Variants in SKOR1 observed in about 807,000 individuals in gnomAD.
The protein encoded by SKOR1 is SKI family transcriptional corepressor 1.
SKOR1 carries 38 observed loss-of-function variants against 72.4 expected under a neutral mutation model. The ratio of observed to expected loss-of-function variants is 0.52; its 90% CI spans 0.40 to 0.69. The LOEUF is 0.69. Among genes scored for constraint, SKOR1 ranks in the 30% least tolerant of loss-of-function variants. The probability of loss-of-function intolerance (pLI) is 0.00; values close to 1 mark genes in which losing one functional copy is unlikely to be tolerated. For missense variants in SKOR1, 1,320 were observed against 1,343.2 expected (o/e 0.98, Z 0.27); for synonymous variants, 642 against 599.4 (o/e 1.07, Z -1.04).
Position 67,826,291 on chromosome 15 carries a change from A to G in SKOR1, c.463A>G (p.Thr155Ala). The G allele has an allele frequency of 6.2e-7, 1 of 1,613,436 alleles. No individual in the cohort carries two copies. Among genetic ancestry groups the G allele is most frequent in the African/African-American group, 1.3e-5 (1 of 75,064 alleles). ...PISSRRCGMI[T>A]KREAERLCKS... Reference sequence around the variant, plus strand: ...CTCGTCGCGCCGCTGCGGCATGATCACTAAGCGAGAGGCCGAACGCCTGTG... The same window carrying G: ...CTCGTCGCGCCGCTGCGGCATGATCGCTAAGCGAGAGGCCGAACGCCTGTG... Residue 155 changes from threonine to alanine, a missense_variant, in exon 2 of 9, where the codon ACT becomes GCT. Around this residue, in one of 3 missense-constraint regions of SKOR1, gnomAD observed 101 missense variants for 212.8 expected, o/e 0.47. Coordinates refer to ENST00000380035, the MANE Select transcript of SKOR1 (RefSeq NM_001365915.1).
In SKOR1 at chr15:67,826,107, C is replaced by T; in HGVS notation, c.279C>T (p.Asp93=). 6.3e-7 allele frequency: 1 copy of T among 1,599,434 alleles called. No individual in the cohort carries two copies. The highest frequency in any genetic ancestry group is 8.5e-7 in the Non-Finnish European group (1 of 1,170,092). ...YGVPIVSLVI[D]GQERLCLAQI... ...TGCCCATTGTGTCGCTGGTCATCGA[C>T]GGCCAGGAGCGCCTATGCCTGGCGC... The change falls in exon 2 of 9, where the codon GAC becomes GAT. Residue 93 remains aspartate, a synonymous_variant. Coordinates refer to ENST00000380035, the MANE Select transcript of SKOR1 (RefSeq NM_001365915.1).
Position 67,833,120 on chromosome 15 carries a change from G to A in SKOR1, c.2738-72G>A. ...AGCTTAGCCCTGGGGAGAGGAGGAA[G>A]CCCGGGCTGTGACCCCGGCCTTTCG... is the stretch of plus-strand genomic sequence containing the variant. On this transcript the variant is annotated intron_variant, in intron 7 of 8. Transcript: ENST00000380035. The surrounding 1 kb of genome is among the most constrained non-coding windows in gnomAD (Gnocchi z 6.0). 1 of 1,538,974 alleles carries A rather than the reference G, an allele frequency of 6.5e-7. No homozygotes were observed.
rs943875593 is a variant in SKOR1, at chr15:67,828,009, A to G, written c.2181A>G (p.Pro727=). The part of the protein sequence containing the change: ...PRPRRRLGPP[P]AGRPAFGDLA... ...CCCGGCGCCGCCTCGGGCCACCCCCAGCTGGCCGGCCCGCATTTGGGGACT... is the reference window on the plus strand; with the variant it reads ...CCCGGCGCCGCCTCGGGCCACCCCCGGCTGGCCGGCCCGCATTTGGGGACT... Residue 727 remains proline, a synonymous_variant, in exon 2 of 9, where the codon CCA becomes CCG. Transcript: ENST00000380035. 6.5e-7 allele frequency: 1 copy of G among 1,539,596 alleles called. No individual in the cohort carries two copies. The highest frequency in any genetic ancestry group is 2.5e-5 in the East Asian group (1 of 40,584).
rs766544415 is a variant in SKOR1, at chr15:67,833,878, T to C, written c.*42T>C. On this transcript the variant is annotated 3_prime_UTR_variant, in exon 9 of 9. Transcript: ENST00000380035. This position sits in a 1 kb window ranked among gnomAD's most constrained non-coding sequence, Gnocchi z 6.0. ...CCCCTGCGCCCTCAAGCCATGCTGC[T>C]CCTTGTAAATACCCGCTGCTGCGGT... The C allele has an allele frequency of 6.3e-7, 1 of 1,576,594 alleles. No individual in the cohort carries two copies. Among genetic ancestry groups the C allele is most frequent in the South Asian group, 1.1e-5 (1 of 90,524 alleles).
At position 67,832,224 on chromosome 15, in the gene SKOR1, A is replaced by C; in HGVS notation, c.2588-50A>C. On this transcript the variant is annotated intron_variant, in intron 5 of 8. Coordinates refer to ENST00000380035, the MANE Select transcript of SKOR1 (RefSeq NM_001365915.1). The surrounding 1 kb of genome is among the most constrained non-coding windows in gnomAD (Gnocchi z 4.5). Reference sequence around the variant, plus strand: ...GGCCAAGGCAGAACCTGAGCTCCAAATAACCCTGCTTTACCTCCCACTTTA... The same window carrying C: ...GGCCAAGGCAGAACCTGAGCTCCAACTAACCCTGCTTTACCTCCCACTTTA... 1 of 1,582,566 alleles carries C rather than the reference A, an allele frequency of 6.3e-7. No homozygotes were observed. The highest frequency in any genetic ancestry group is 8.7e-7 in the Non-Finnish European group (1 of 1,152,280).
chr15:67,827,939 G>C lies in SKOR1; in HGVS notation c.2111G>C (p.Gly704Ala), dbSNP rs2090977618. Residue 704 changes from glycine to alanine, a missense_variant, in exon 2 of 9, where the codon GGC becomes GCC. Physicochemically the swap from Gly to Ala is moderately conservative, Grantham distance 60 (BLOSUM62 0). Transcript: ENST00000380035. Reference sequence around the variant, plus strand: ...GGACCCCCTTCCGCCACCTCCTCTGGCGCGGACGGTCCCGCAAACTCTCCC... The same window carrying C: ...GGACCCCCTTCCGCCACCTCCTCTGCCGCGGACGGTCCCGCAAACTCTCCC... ...PTGPPSATSS[G>A]ADGPANSPDG... is the part of the protein sequence containing the mutation. 6.3e-7 allele frequency: 1 copy of C among 1,576,950 alleles called. No individual in the cohort carries two copies. Among genetic ancestry groups the C allele is most frequent in the African/African-American group, 1.3e-5 (1 of 74,202 alleles).
rs1244869954 is a variant in SKOR1, at chr15:67,826,823, A to T, written c.995A>T (p.Glu332Val). ...PHKSLRCGED[E>V]AAGPPGPPPP... ...AAAAGCCTGCGCTGTGGCGAAGATG[A>T]GGCTGCCGGGCCTCCGGGGCCACCT... Residue 332 changes from glutamate (E) to valine (V), a missense_variant, in exon 2 of 9, where the codon GAG (glutamate) becomes GTG (valine). Glu to Val is a moderately radical substitution (Grantham distance 121, BLOSUM62 -2). Coordinates refer to ENST00000380035, the MANE Select transcript of SKOR1 (RefSeq NM_001365915.1). 6.6e-7 allele frequency: 1 copy of T among 1,526,154 alleles called. No homozygotes were observed. The highest frequency in any genetic ancestry group is 2.0e-5 in the Admixed American group (1 of 50,056). The allele number at this position is 1,526,154 out of a possible 1,614,324, so 94.5% of individuals were successfully genotyped here.
chr15:67,827,223 C>T lies in SKOR1; in HGVS notation c.1395C>T (p.Pro465=), dbSNP rs1487109815. ...GGGAMFWGHQ[P]SGAAKDAAAV... Reference sequence around the variant, plus strand: ...GCGCCATGTTCTGGGGGCATCAACCCTCCGGGGCAGCCAAGGACGCAGCGG... The same window carrying T: ...GCGCCATGTTCTGGGGGCATCAACCTTCCGGGGCAGCCAAGGACGCAGCGG... The change falls in exon 2 of 9, where the codon CCC becomes CCT. Residue 465 remains proline, a synonymous_variant. Transcript: ENST00000380035. 12 of 1,563,940 alleles carry T rather than the reference C, an allele frequency of 7.7e-6. No homozygotes were observed. Among genetic ancestry groups the T allele is most frequent in the Admixed American group, 1.8e-5 (1 of 56,874 alleles).
At position 67,827,981 on chromosome 15, in the gene SKOR1, G is replaced by T. The variant is rs1214269398; in HGVS notation, c.2153G>T (p.Arg718Leu). 6.5e-7 allele frequency: 1 copy of T among 1,538,600 alleles called. No individual in the cohort carries two copies. The part of the protein sequence containing the change: ...PANSPDGGSP[R>L]PRRRLGPPPA... ...AACTCTCCCGACGGCGGCAGCCCCC[G>T]CCCCCGGCGCCGCCTCGGGCCACCC... is the stretch of plus-strand genomic sequence containing the variant. The change falls in exon 2 of 9, where the codon CGC (arginine) becomes CTC (leucine). Residue 718 changes from arginine (R) to leucine (L), a missense_variant. By Grantham distance (102) the Arg-to-Leu change is moderately radical (BLOSUM62 -2). Around this residue, in one of 3 missense-constraint regions of SKOR1, gnomAD observed 1,099 missense variants for 1,025.5 expected, o/e 1.07. Transcript: ENST00000380035.
rs2090964085 is a variant in SKOR1, at chr15:67,826,935, A to C, written c.1107A>C (p.Val369=). The C allele has an allele frequency of 6.3e-7, 1 of 1,582,330 alleles. No individual in the cohort carries two copies. The highest frequency in any genetic ancestry group is 1.4e-5 in the African/African-American group (1 of 73,654). The change falls in exon 2 of 9, where the codon GTA becomes GTC. Residue 369 remains valine, a synonymous_variant. Coordinates refer to ENST00000380035, the MANE Select transcript of SKOR1 (RefSeq NM_001365915.1). ...GAGGGCCCGGTGGCGGCGCCGGCGT[A>C]CGAAGCTACCCGGTGATCCCGGTGC... ...GPGGPGGGAG[V]RSYPVIPVPS...
chr15:67,829,059 C>A (rs961499960), intron 2 of SKOR1, 120 bp from the exon 3 acceptor site: 39 of 848,260 alleles, frequency 4.6e-5, no homozygotes, highest in Admixed American at 8.8e-5. Context: ...TCAAGTCCAG[C>A]GGGCGCACCA....
At position 67,829,217 on chromosome 15, in the gene SKOR1, G is replaced by T. The variant is rs764681051; in HGVS notation, c.2355G>T (p.Ala785=). ...APERDEHVKS[A]AVALGPAASY... ...AGAGGGATGAGCACGTGAAGAGCGC[G>T]GCGGTGGCGCTGGGGCCCGCGGCCT... is the stretch of plus-strand genomic sequence containing the variant. Residue 785 remains alanine, a synonymous_variant, in exon 3 of 9, where the codon GCG becomes GCT. Coordinates refer to ENST00000380035, the MANE Select transcript of SKOR1 (RefSeq NM_001365915.1). The T allele has an allele frequency of 1.3e-6, 2 of 1,576,390 alleles. No homozygotes were observed. The highest frequency in any genetic ancestry group is 8.6e-7 in the Non-Finnish European group (1 of 1,168,654).
Position 67,832,329 on chromosome 15 carries a change from G to C in SKOR1, c.2643G>C (p.Arg881=). ...TGGAGCTCCGCAAGAAGCTGGAACGGGAATTTCAGAGTCTCAAAGGTACCC... is the reference window on the plus strand; with the variant it reads ...TGGAGCTCCGCAAGAAGCTGGAACGCGAATTTCAGAGTCTCAAAGGTACCC... ...EQMELRKKLE[R]EFQSLKDNFQ... is the part of the protein sequence containing the mutation. The change falls in exon 6 of 9, where the codon CGG becomes CGC. Residue 881 remains arginine, a synonymous_variant. Transcript: ENST00000380035. The surrounding 1 kb of genome is among the most constrained non-coding windows in gnomAD (Gnocchi z 4.5). 6.2e-7 allele frequency: 1 copy of C among 1,614,128 alleles called. No individual in the cohort carries two copies. The highest frequency in any genetic ancestry group is 1.1e-5 in the South Asian group (1 of 91,078).
intron 5 of SKOR1, among the ~76,000 whole-genome samples, chr15:67,831,561 G>A (rs1179406595): frequency 6.6e-6 from 1 of 152,120 alleles, no homozygotes; most frequent in Non-Finnish European, 1.5e-5. Context: ...CATGGTCAGG[G>A]CAGTTGCCAC....
Position 67,830,201 on chromosome 15 carries a change from G to GGAAGACAATCACTCGCCCGCCGAT in SKOR1, c.2421_2444dup (p.Glu807_Asp814dup). On this transcript the variant is annotated inframe_insertion, in exon 4 of 9. Transcript: ENST00000380035. Reference sequence around the variant, plus strand: ...TTTGTTGCCTTCAAGAGCCAGATAAGGAAGACAATCACTCGCCCGCCGATG... The same window carrying GGAAGACAATCACTCGCCCGCCGAT: ...TTTGTTGCCTTCAAGAGCCAGATAAGGAAGACAATCACTCGCCCGCCGATGAAGACAATCACTCGCCCGCCGATG... 6.2e-7 allele frequency: 1 copy of GGAAGACAATCACTCGCCCGCCGAT among 1,614,150 alleles called. No homozygotes were observed. Among genetic ancestry groups the GGAAGACAATCACTCGCCCGCCGAT allele is most frequent in the Non-Finnish European group, 8.5e-7 (1 of 1,180,010 alleles).
Position 67,832,461 on chromosome 15 carries a change from A to G in SKOR1, c.2662+113A>G. The G allele has an allele frequency of 7.3e-7, 1 of 1,364,580 alleles. No individual in the cohort carries two copies. The highest frequency in any genetic ancestry group is 1.8e-5 in the Admixed American group (1 of 56,720). 84.5% of individuals were successfully genotyped at this position (1,364,580 alleles called of 1,614,324 possible). The stretch of plus-strand genomic sequence containing the variant: ...CAACTGGTACTAGGTGCCCTGCAGG[A>G]GACAAGAAACTGTCCTTTTCCAGGG... On this transcript the variant is annotated intron_variant, in intron 6 of 8. Transcript: ENST00000380035. The surrounding 1 kb of genome is among the most constrained non-coding windows in gnomAD (Gnocchi z 4.5).
At chr15:67,830,703 A>C in intron 4 of SKOR1, 115 bp from the exon 5 acceptor site, 3 of 954,100 alleles carry the variant, frequency 3.1e-6, no homozygotes, top group Non-Finnish European at 5.1e-6. Flanking sequence ...GTCTCCTCTA[A>C]AGGCAGAAGG....
rs371348007 is a variant in SKOR1, at chr15:67,832,575, C to T, written c.2663-32C>T. 37 of 1,591,112 alleles carry T rather than the reference C, an allele frequency of 2.3e-5. No individual in the cohort carries two copies. Among genetic ancestry groups the T allele is most frequent in the South Asian group, 5.5e-5 (5 of 90,420 alleles). ...AGTGGAGCCGGGAGAGGGGGCTGTG[C>T]GTAACAGCTCTCACTTAATCAATTT... On this transcript the variant is annotated intron_variant, in intron 6 of 8. Transcript: ENST00000380035. The surrounding 1 kb of genome is among the most constrained non-coding windows in gnomAD (Gnocchi z 4.5).
At chr15:67,829,295 A>G (rs1333843729) in intron 3 of SKOR1, 26 bp downstream of exon 3, 15 of 1,527,772 alleles carry the variant, frequency 9.8e-6, no homozygotes, top group Non-Finnish European at 1.2e-5. Flanking sequence ...GCCGCTGGCC[A>G]CTGTAATGGG....
Sources: gnomAD v4.1 joint callset for allele counts (sites outside exome capture counted in the v4.1 genomes callset) on GRCh38, gnomAD v4.1.1 for gene constraint, gnomAD v4.1.1 regional missense constraint, Gnocchi (gnomAD v3.1) non-coding constraint, MANE v1.5 for transcripts, NCBI Gene and HGNC (gene_info 2026-07-23, HGNC 2026-07-21) for gene names.